The following CD33 variants were observed in gnomAD, a reference collection of about 807,000 sequenced individuals.
CD33 encodes CD33 molecule.
In CD33, 25 loss-of-function variants were observed where a neutral mutation model predicts 31.4. That is an observed-to-expected ratio of 0.80 (90% CI 0.58 to 1.11). The LOEUF is 1.11. Among genes scored for constraint, CD33 ranks in the 50% most tolerant of loss-of-function variants. The probability of loss-of-function intolerance (pLI) is 0.00; values close to 1 mark genes in which losing one functional copy is unlikely to be tolerated. For missense variants in CD33, 407 were observed against 448.1 expected, an observed-to-expected ratio of 0.91 and a Z score of 0.83; for synonymous variants, 176 against 180.6, an observed-to-expected ratio of 0.97 and a Z score of 0.20.
chr19:51,235,867 A>G, intron 6 of CD33, 191 bp downstream of exon 6: 1 of 714,006 alleles, frequency 1.4e-6, no homozygotes, highest in Middle Eastern at 2.6e-4. Flanking sequence ...CATTGAAAAG[A>G]TAGTTTCTTG....
At chr19:51,239,432 C>G (rs749254645) in intron 6 of CD33, 86 bp from the exon 7 acceptor site, 117 of 989,962 alleles carry the variant, frequency 1.2e-4, no homozygotes, top group Non-Finnish European at 1.7e-4. Flanking sequence ...CTGTCAGAGT[C>G]AAATTTACTT....
chr19:51,218,580 T>G, the CD33 span, among the ~76,000 whole-genome samples: 1 of 152,206 alleles, frequency 6.6e-6, no homozygotes, highest in Admixed American at 6.6e-5. Context: ...CTTTGAGATC[T>G]TAGTTGTGAA....
Position 51,239,652 on chromosome 19 carries a change from C to T in CD33, c.1059C>T (p.Asp353=). 1 of 1,613,254 alleles carries T rather than the reference C, an allele frequency of 6.2e-7. No homozygotes were observed. Among genetic ancestry groups the T allele is most frequent in the African/African-American group, 1.3e-5 (1 of 74,960 alleles). The change falls in exon 7 of 7, where the codon GAC becomes GAT. Residue 353 remains aspartate, a synonymous_variant. Transcript: ENST00000262262. ...LNFHGMNPSK[D]TSTEYSEVRT... ...TTCATGGGATGAATCCTTCCAAGGA[C>T]ACCTCCACCGAATACTCAGAGGTCA...
Position 51,226,158 on chromosome 19 carries a change from T to C in CD33, c.697+77T>C, listed in dbSNP as rs964816997. On this transcript the variant is annotated intron_variant, in intron 3 of 6. Transcript: ENST00000262262. The stretch of plus-strand genomic sequence containing the variant: ...ATGGGCTGGTGCTGGGGACATTTAG[T>C]GTCCTGGAGGCCTGGCTGAGTTCGG... The C allele has an allele frequency of 1.9e-6, 3 of 1,559,874 alleles. No individual in the cohort carries two copies. The African/African-American group carries it at 4.1e-5, about 21-fold the overall frequency.
At chr19:51,238,708 A>C (rs1981967933) in intron 6 of CD33, 1 of 152,246 alleles carries the variant, frequency 6.6e-6, no homozygotes, top group Non-Finnish European at 1.5e-5. Context: ...TCTTGACTAG[A>C]GAGAGTTCAA....
chr19:51,213,882 T>C, the CD33 span, among the ~76,000 whole-genome samples: 2 of 144,204 alleles, frequency 1.4e-5, no homozygotes, highest in Non-Finnish European at 3.0e-5. Flanking sequence ...TTTTTTGATA[T>C]AGGGTCTCGC....
the CD33 span, chr19:51,211,507 A>G: frequency 3.9e-6 from 6 of 1,544,396 alleles, no homozygotes; most frequent in Non-Finnish European, 5.2e-6. Context: ...GAGGAGGGAT[A>G]ATCGTTCATA....
chr19:51,239,486 C>A, intron 6 of CD33, 32 bp from the exon 7 acceptor site: 1 of 1,525,730 alleles, frequency 6.6e-7, no homozygotes. Flanking sequence ...CCTCACTGCC[C>A]TGCTCTAACC....
chr19:51,225,637 C>A, intron 2 of CD33, 39 bp downstream of exon 2: 1 of 1,538,884 alleles, frequency 6.5e-7, no homozygotes, highest in South Asian at 1.3e-5. Context: ...AAGGGAAGTT[C>A]ATGGGTACTG....
chr19:51,238,104 A>G (rs1224143333), intron 6 of CD33: 2 of 152,244 alleles, frequency 1.3e-5, no homozygotes, highest in Non-Finnish European at 2.9e-5. Flanking sequence ...TGGATGTCCA[A>G]GAAGACCCCA....
intron 4 of CD33, among the ~76,000 whole-genome samples, chr19:51,228,669 T>TTTTGA (rs1195076130): frequency 1.8e-5 from 1 of 56,954 alleles, no homozygotes; most frequent in Non-Finnish European, 3.5e-5. Context: ...GTCTTTAGGT[T>TTTTGA]TTTGTTTTGT....
intron 4 of CD33, among the ~76,000 whole-genome samples, chr19:51,228,422 T>C (rs1410578096): frequency 6.6e-6 from 1 of 152,214 alleles, no homozygotes; most frequent in African/African-American, 2.4e-5. Context: ...TTGTATCCTC[T>C]TCAGTTTATT....
the CD33 span, among the ~76,000 whole-genome samples, chr19:51,218,431 T>A: frequency 6.6e-6 from 1 of 152,222 alleles, no homozygotes; most frequent in African/African-American, 2.4e-5. Flanking sequence ...TATTAGTCTC[T>A]TATCAGATTC....
At chr19:51,236,152 T>C (rs2123309019) in intron 6 of CD33, 2 of 367,172 alleles carry the variant, frequency 5.4e-6, no homozygotes, top group South Asian at 5.6e-5. Context: ...AGAGAGACTC[T>C]GTCCCAAAAA....
chr19:51,230,382 T>C (rs1022481685), intron 4 of CD33, among the ~76,000 whole-genome samples: 6 of 152,236 alleles, frequency 3.9e-5, no homozygotes, highest in African/African-American at 1.4e-4. Flanking sequence ...GTTCATTTGG[T>C]ATATGGTGCA....
chr19:51,223,469 C>T (rs1980787049), upstream of CD33, among the ~76,000 whole-genome samples: 2 of 152,142 alleles, frequency 1.3e-5, no homozygotes, highest in African/African-American at 2.4e-5. Context: ...ATGCATACTA[C>T]ACAGAGTGAT....
chr19:51,229,991 T>A (rs1036563668), intron 4 of CD33, among the ~76,000 whole-genome samples: 1 of 152,168 alleles, frequency 6.6e-6, no homozygotes. Flanking sequence ...AATTGTTTGA[T>A]GTAGGCATTT....
the CD33 span, among the ~76,000 whole-genome samples, chr19:51,219,487 CT>C: frequency 6.6e-6 from 1 of 152,174 alleles, no homozygotes; most frequent in Admixed American, 6.5e-5. Context: ...TTGACTTCCT[CT>C]TTTCCAATGT....
At chr19:51,211,244 T>G in the CD33 span, 6 of 1,571,502 alleles carry the variant, frequency 3.8e-6, no homozygotes, top group Middle Eastern at 1.7e-4. Context: ...CGGCTGCAAG[T>G]GCAGGAGTCA....
Sources: gnomAD v4.1 joint callset for allele counts (sites outside exome capture counted in the v4.1 genomes callset) on GRCh38, gnomAD v4.1.1 for gene constraint, MANE v1.5 for transcripts, NCBI Gene and HGNC (gene_info 2026-07-23, HGNC 2026-07-21) for gene names.